The following LZTR1 variants were observed in gnomAD, a reference collection of about 807,000 sequenced individuals.
LZTR1 encodes leucine zipper like post translational regulator 1.
LZTR1 carries 260 observed loss-of-function variants against 105.7 expected under a neutral mutation model. That is an observed-to-expected ratio of 2.46 (90% CI 2.22 to 2.72). LZTR1 has a LOEUF of 2.72. Ranked by LOEUF, LZTR1 falls within the 30% of genes most tolerant of loss-of-function variation. The pLI is 0.00. For synonymous variants in LZTR1, 490 were observed against 476.4 expected, an observed-to-expected ratio of 1.03 and a Z score of -0.37; for missense variants, 1,214 against 1,166.9, an observed-to-expected ratio of 1.04 and a Z score of -0.59.
At chr22:20,993,316 G>A in intron 11 of LZTR1, 1 of 460,182 alleles carries the variant, frequency 2.2e-6, no homozygotes, top group Admixed American at 3.5e-5. Flanking sequence ...GCTTCCTGGA[G>A]GAGGTTGGGA....
chr22:20,996,963 CAAGGTCAGGGCT>C lies in LZTR1; in HGVS notation c.2404_2406+9del. ...TGCACATCATTGTGCACCAGTTCAC[CAAGGTCAGGGCT>C]CTGGCCTCCCCTTCAGGACTCGCTT... On this transcript the variant is annotated splice_donor_variant and splice_donor_5th_base_variant and coding_sequence_variant and intron_variant, in exon 20 of 21. Transcript: ENST00000646124. LOFTEE classifies it high-confidence loss of function. The C allele has an allele frequency of 6.2e-7, 1 of 1,613,674 alleles. No homozygotes were observed. Among genetic ancestry groups the C allele is most frequent in the East Asian group, 2.2e-5 (1 of 44,892 alleles).
intron 4 of LZTR1, 23 bp from the exon 5 acceptor site, chr22:20,987,987 A>G: frequency 7.1e-7 from 1 of 1,406,232 alleles, no homozygotes; most frequent in Non-Finnish European, 1.0e-6. Flanking sequence ...TGGGTTTGAC[A>G]GTTTCTCACT....
chr22:20,982,895 T>G, intron 1 of LZTR1, 132 bp from the exon 2 acceptor site: 2 of 737,536 alleles, frequency 2.7e-6, no homozygotes, highest in Non-Finnish European at 4.8e-6. Context: ...TGGTGTTATC[T>G]TAGAAGATGA....
intron 16 of LZTR1, chr22:20,995,360 TG>T (rs1386349721): frequency 1.6e-6 from 1 of 616,144 alleles, no homozygotes; most frequent in Non-Finnish European, 3.1e-6. Context: ...TTGCTTGTAA[TG>T]TCACAGGCCC....
chr22:20,994,328 C>T, intron 14 of LZTR1, 59 bp downstream of exon 14: 1 of 1,552,652 alleles, frequency 6.4e-7, no homozygotes, highest in African/African-American at 1.4e-5. Flanking sequence ...GCAGCAGAGC[C>T]AAAAGGTGGG....
chr22:20,987,716 G>T, intron 4 of LZTR1, 133 bp downstream of exon 4: 1 of 834,012 alleles, frequency 1.2e-6, no homozygotes, highest in Non-Finnish European at 2.0e-6. Flanking sequence ...GGCTTTGTCT[G>T]CCAGTCTTCG....
intron 16 of LZTR1, chr22:20,995,446 G>GAGGC (rs1233518685): frequency 4.7e-6 from 3 of 639,890 alleles, no homozygotes; most frequent in Non-Finnish European, 8.9e-6. Flanking sequence ...GCAGGCACCA[G>GAGGC]AGGCCATGCA....
chr22:20,989,507 C>G, intron 6 of LZTR1, 118 bp from the exon 7 acceptor site: 1 of 850,698 alleles, frequency 1.2e-6, no homozygotes, highest in Non-Finnish European at 2.0e-6. Context: ...CATGGCCGCA[C>G]AAGTCTCCTA....
chr22:20,996,656 G>A (rs770899005), intron 18 of LZTR1, 40 bp from the exon 19 acceptor site: 226 of 1,569,832 alleles, frequency 1.4e-4, no homozygotes, highest in Non-Finnish European at 1.6e-4. Context: ...GGGTGCGGGC[G>A]GACCAGCTTC....
In LZTR1 at chr22:20,991,838, G is replaced by A; in HGVS notation, c.993+9G>A. On this transcript the variant is annotated intron_variant, in intron 9 of 20. Coordinates refer to ENST00000646124, the MANE Select transcript of LZTR1 (RefSeq NM_006767.4). ...CCAGCTCCGACAGCGAGGTGAGGGT[G>A]CCCAGGGGTGTCCTGACCTGCCAGC... 1 of 1,545,818 alleles carries A rather than the reference G, an allele frequency of 6.5e-7. No homozygotes were observed.
intron 18 of LZTR1, chr22:20,996,443 G>A (rs969457198): frequency 4.7e-5 from 28 of 593,096 alleles, no homozygotes; most frequent in African/African-American, 4.3e-4. Flanking sequence ...AACATGGAGG[G>A]TCAGGATGCC....
chr22:20,995,127 T>TG, intron 16 of LZTR1, 101 bp downstream of exon 16: 2 of 1,350,400 alleles, frequency 1.5e-6, no homozygotes, highest in Non-Finnish European at 2.0e-6. Context: ...GCCCTCGGGG[T>TG]GGGGGTGGGT....
At chr22:20,988,595 T>A (rs984451745) in intron 5 of LZTR1, among the ~76,000 whole-genome samples, 194 bp from the exon 6 acceptor site, 2 of 152,242 alleles carry the variant, frequency 1.3e-5, no homozygotes, top group Non-Finnish European at 2.9e-5. Flanking sequence ...GCTGTCTGAA[T>A]TCCTCTTCAA....
At chr22:20,993,481 G>A (rs1924676625) in intron 11 of LZTR1, 181 bp from the exon 12 acceptor site, 1 of 605,250 alleles carries the variant, frequency 1.7e-6, no homozygotes, top group Non-Finnish European at 3.0e-6. Context: ...GCTGAGGCTG[G>A]AGCCAGGCTG....
intron 7 of LZTR1, 36 bp from the exon 8 acceptor site, chr22:20,990,350 G>C: frequency 6.2e-7 from 1 of 1,613,498 alleles, no homozygotes; most frequent in Non-Finnish European, 8.5e-7. Context: ...AGCGGGCCCT[G>C]TGAGGCCGGG....
Position 20,994,693 on chromosome 22 carries a change from A to G in LZTR1, c.1751A>G (p.Glu584Gly). 6.2e-7 allele frequency: 1 copy of G among 1,612,626 alleles called. No individual in the cohort carries two copies. The highest frequency in any genetic ancestry group is 8.5e-7 in the Non-Finnish European group (1 of 1,179,960). ...CTGCAGAACGTGCTGGTTGTGTGCG[A>G]GAGTGCCGCCCGGCTGCAGCTGAGC... ...VDLQNVLVVC[E>G]SAARLQLSQL... The change falls in exon 15 of 21, where the codon GAG (glutamate) becomes GGG (glycine). Residue 584 changes from glutamate (E) to glycine (G), a missense_variant. Transcript: ENST00000646124.
Position 20,987,734 on chromosome 22 carries a change from G to A in LZTR1, c.400+151G>A, listed in dbSNP as rs535164495. 4.6e-4 allele frequency: 348 copies of A among 756,368 alleles called. 1 individual carries two copies. The African/African-American group carries it at 5.5e-3, about 12-fold the overall frequency. The allele number at this position is 756,368 out of a possible 1,614,324, so 46.9% of individuals were successfully genotyped here. A position where few individuals can be genotyped will look rare whatever the true frequency, so the allele number is the denominator to read the frequency against. ...TTTGTCTGCCAGTCTTCGGAATTCT[G>A]CGCTGGATCTGGGACCCCTTGCCCT... is the stretch of plus-strand genomic sequence containing the variant. On this transcript the variant is annotated intron_variant, in intron 4 of 20. Coordinates refer to ENST00000646124, the MANE Select transcript of LZTR1 (RefSeq NM_006767.4).
chr22:20,983,257 A>G, intron 2 of LZTR1, 168 bp downstream of exon 2: 1 of 648,278 alleles, frequency 1.5e-6, no homozygotes, highest in South Asian at 1.8e-5. Flanking sequence ...GGTCGTGGTG[A>G]GGATTAAATG....
rs767501952 is a variant in LZTR1, at chr22:20,992,195, A to G, written c.994-19A>G. On this transcript the variant is annotated intron_variant, in intron 9 of 20. Coordinates refer to ENST00000646124, the MANE Select transcript of LZTR1 (RefSeq NM_006767.4). ...GCCCTTGCCAACTGGTCTCATGCCC[A>G]TGTGTCTCCCCTCTTCAGGTTGGTG... 23 of 1,609,192 alleles carry G rather than the reference A, an allele frequency of 1.4e-5. No individual in the cohort carries two copies. Among genetic ancestry groups the G allele is most frequent in the Admixed American group, 3.3e-5 (2 of 59,804 alleles).
Sources: gnomAD v4.1 joint callset for allele counts (sites outside exome capture counted in the v4.1 genomes callset) on GRCh38, gnomAD v4.1.1 for gene constraint, MANE v1.5 for transcripts, NCBI Gene and HGNC (gene_info 2026-07-23, HGNC 2026-07-21) for gene names.